Variants in ADAD1 observed in about 807,000 individuals in gnomAD.
The protein encoded by ADAD1 is adenosine deaminase domain containing 1.
A neutral mutation model predicts 66.8 loss-of-function variants in ADAD1; 46 were observed. That is an observed-to-expected ratio of 0.69 (90% CI 0.54 to 0.88). ADAD1 has a LOEUF of 0.88. Among genes scored for constraint, ADAD1 ranks in the 40% least tolerant of loss-of-function variants. ADAD1 has a pLI of 0.00. For missense variants in ADAD1, 617 were observed against 681.8 expected (o/e 0.91, Z 1.06); for synonymous variants, 248 against 229.4 (o/e 1.08, Z -0.73).
intron 11 of ADAD1, among the ~76,000 whole-genome samples, chr4:122,417,103 G>A (rs1235958759): frequency 6.6e-6 from 1 of 152,198 alleles, no homozygotes; most frequent in Non-Finnish European, 1.5e-5. Context: ...GGGAGGCTGA[G>A]GCGGGCAGAT....
chr4:122,404,346 G>T (rs1796112557), intron 7 of ADAD1, among the ~76,000 whole-genome samples: 1 of 152,172 alleles, frequency 6.6e-6, no homozygotes. Flanking sequence ...ATAGGCTGGG[G>T]ACTGGGATCT....
intron 5 of ADAD1, among the ~76,000 whole-genome samples, 189 bp downstream of exon 5, chr4:122,384,155 AC>A (rs1174619520): frequency 3.3e-5 from 5 of 152,240 alleles, no homozygotes; most frequent in Non-Finnish European, 1.5e-5. Context: ...ATATTTCAGC[AC>A]TGAAAGGTAT....
chr4:122,384,577 ACAAT>A (rs1795069796), intron 5 of ADAD1, among the ~76,000 whole-genome samples: 1 of 152,210 alleles, frequency 6.6e-6, no homozygotes, highest in African/African-American at 2.4e-5. Flanking sequence ...TGAAGAATAC[ACAAT>A]CAAATTACAA....
At chr4:122,381,302 A>G in intron 4 of ADAD1, 122 bp downstream of exon 4, 1 of 1,012,032 alleles carries the variant, frequency 9.9e-7, no homozygotes, top group Non-Finnish European at 1.4e-6. Context: ...TTTCACAAGA[A>G]TACTTAAATG....
intron 6 of ADAD1, 115 bp from the exon 7 acceptor site, chr4:122,396,137 T>A (rs983284274): frequency 3.4e-6 from 3 of 872,772 alleles, no homozygotes; most frequent in Non-Finnish European, 4.6e-6. Context: ...ATAAATTTGC[T>A]TACAGATGTC....
At chr4:122,422,371 C>T (rs773497628) in intron 12 of ADAD1, among the ~76,000 whole-genome samples, 2 of 152,106 alleles carry the variant, frequency 1.3e-5, no homozygotes, top group South Asian at 2.1e-4. Flanking sequence ...GTGATCCACC[C>T]GCCTCAGCCT....
rs1184492469 is a variant in ADAD1 at position 122,426,251 on chromosome 4, A to C, written c.1618-3375A>C. 3.3e-5 allele frequency among the ~76,000 whole-genome samples: 5 copies of C among 152,296 alleles called. No individual in the cohort carries two copies. In the South Asian group the frequency reaches 8.3e-4, roughly 25 times the overall value. ...TTTGTCAGCAGACACATTAGATGAA[A>C]TGGACATGTTCCTAGAAAGACACAA... On this transcript the variant is annotated intron_variant, in intron 12 of 12. Transcript: ENST00000296513.
At chr4:122,422,918 C>G (rs1384269164) in intron 12 of ADAD1, among the ~76,000 whole-genome samples, 1 of 139,194 alleles carries the variant, frequency 7.2e-6, no homozygotes, top group Non-Finnish European at 1.5e-5. Flanking sequence ...CACCACTGCA[C>G]TTCAGCCTGG....
Position 122,429,606 on chromosome 4 carries a change from A to AT in ADAD1, c.1618-14dup, listed in dbSNP as rs769922570. On this transcript the variant is annotated intron_variant, in intron 12 of 12. Transcript: ENST00000296513. Reference sequence around the variant, plus strand: ...AAATGCTGCCTATTTTCTATAATTCATTTTTTCTTTCTTCTCTAGTGTATG... The same window carrying AT: ...AAATGCTGCCTATTTTCTATAATTCATTTTTTTCTTTCTTCTCTAGTGTATG... The AT allele has an allele frequency of 6.6e-7, 1 of 1,521,370 alleles. No homozygotes were observed. The highest frequency in any genetic ancestry group is 1.1e-5 in the South Asian group (1 of 88,026). 94.2% of individuals were successfully genotyped at this position (1,521,370 alleles called of 1,614,324 possible). A position where few individuals can be genotyped will look rare whatever the true frequency, so the allele number is the denominator to read the frequency against.
chr4:122,416,568 T>TA (rs1421061201), intron 11 of ADAD1, among the ~76,000 whole-genome samples: 1 of 151,870 alleles, frequency 6.6e-6, no homozygotes, highest in African/African-American at 2.4e-5. Flanking sequence ...GTCTTTTTTA[T>TA]AAAAAATAAA....
At chr4:122,420,027 C>T (rs140790500) in intron 11 of ADAD1, among the ~76,000 whole-genome samples, 66 of 152,206 alleles carry the variant, frequency 4.3e-4, no homozygotes, top group African/African-American at 1.6e-3. Flanking sequence ...GGCATTAATA[C>T]ATTTGGACAA....
chr4:122,408,002 T>C lies in ADAD1; in HGVS notation c.819T>C (p.Ala273=). The change falls in exon 8 of 13, where the codon GCT becomes GCC. Residue 273 remains alanine, a synonymous_variant. Coordinates refer to ENST00000296513, the MANE Select transcript of ADAD1 (RefSeq NM_139243.4). ...GAAGAGTATTGCATGACACTCATGC[T>C]GTTGTTACAGCAAGAAGGTCTCTTC... The part of the protein sequence containing the change: ...PDGRVLHDTH[A]VVTARRSLLR... The C allele has an allele frequency of 1.9e-6, 3 of 1,613,432 alleles. No individual in the cohort carries two copies. Among genetic ancestry groups the C allele is most frequent in the Non-Finnish European group, 2.5e-6 (3 of 1,179,592 alleles).
chr4:122,398,156 C>T (rs1469040856), intron 7 of ADAD1, among the ~76,000 whole-genome samples: 19 of 151,826 alleles, frequency 1.3e-4, no homozygotes, highest in Admixed American at 1.2e-3. Context: ...GCTACCCTTC[C>T]CCCGGTGCCC....
intron 4 of ADAD1, among the ~76,000 whole-genome samples, chr4:122,382,973 G>A (rs1400251558): frequency 6.6e-6 from 1 of 152,160 alleles, no homozygotes; most frequent in East Asian, 1.9e-4. Context: ...GGGTTTATGT[G>A]TGGCAGCATT....
Position 122,411,238 on chromosome 4 carries a change from C to T in ADAD1, c.865C>T (p.Leu289Phe). Residue 289 changes from leucine (L) to phenylalanine (F), a missense_variant, in exon 9 of 13, where the codon CTT becomes TTT. Physicochemically the swap from Leu to Phe is conservative, Grantham distance 22 (BLOSUM62 0). Transcript: ENST00000296513. ...TTATTTTAGGTACTTTTATAGACAA[C>T]TTCTGCTCTTCTACAGCAAAAATCC... ...RSLLRYFYRQ[L>F]LLFYSKNPAM... 1.2e-6 allele frequency: 2 copies of T among 1,601,174 alleles called. No individual in the cohort carries two copies. The highest frequency in any genetic ancestry group is 1.7e-6 in the Non-Finnish European group (2 of 1,176,474).
chr4:122,404,469 A>G (rs188118477), intron 7 of ADAD1, among the ~76,000 whole-genome samples: 1 of 152,268 alleles, frequency 6.6e-6, no homozygotes, highest in East Asian at 1.9e-4. Flanking sequence ...TAGGTTCCCC[A>G]GTAGGGATGT....
intron 2 of ADAD1, among the ~76,000 whole-genome samples, chr4:122,379,841 G>A (rs542886664): frequency 3.3e-5 from 5 of 151,706 alleles, no homozygotes; most frequent in Non-Finnish European, 7.4e-5. Context: ...TTCCTCCTTT[G>A]TAGCAGAGGT....
At chr4:122,392,872 T>C (rs1386520713) in intron 5 of ADAD1, among the ~76,000 whole-genome samples, 1 of 152,180 alleles carries the variant, frequency 6.6e-6, no homozygotes, top group Non-Finnish European at 1.5e-5. Context: ...TCGTATGAGC[T>C]CTAAGGTGAC....
At chr4:122,418,376 A>C (rs1437153424) in intron 11 of ADAD1, among the ~76,000 whole-genome samples, 4 of 139,182 alleles carry the variant, frequency 2.9e-5, no homozygotes, top group African/African-American at 7.9e-5. Context: ...GTGGCGCGAT[A>C]TCGGCTCACT....
Sources: allele counts gnomAD v4.1 joint callset (sites outside exome capture counted in the v4.1 genomes callset), GRCh38; gene constraint gnomAD v4.1.1; transcripts MANE v1.5; gene names NCBI Gene and HGNC (gene_info 2026-07-23, HGNC 2026-07-21).